The following SLC48A1 variants were observed in gnomAD, a reference collection of about 807,000 sequenced individuals.
SLC48A1 encodes the protein heme transporter HRG1.
In SLC48A1, 6 loss-of-function variants were observed where a neutral mutation model predicts 14.8. The observed-to-expected ratio is 0.41, with a 90% CI of 0.22 to 0.80. The LOEUF (loss-of-function observed/expected upper bound fraction) is 0.80. Ranked by LOEUF, SLC48A1 falls within the 30% of genes least tolerant of loss-of-function variation. SLC48A1 has a pLI of 0.34. For synonymous variants in SLC48A1, 89 were observed against 90.0 expected (o/e 0.99, Z 0.06); for missense variants, 165 against 204.8 (o/e 0.81, Z 1.19).
In SLC48A1 at chr12:47,765,076, CAAAAAAAAAAAAAAAAAAAAAAAA is replaced by C. The variant is rs750174911; in HGVS notation, c.-187+4691_-187+4714del. ...TGGGCAACAGAGTGAGACTCTGTCT[CAAAAAAAAAAAAAAAAAAAAAAAA>C]AAAAAAAAAAAAAAATTAGGGGAGG... On this transcript the variant is annotated intron_variant, in intron 2 of 4. Transcript: ENST00000547002. 2.6e-3 allele frequency among the ~76,000 whole-genome samples: 98 copies of C among 38,190 alleles called. 1 individual carries two copies. The highest frequency in any genetic ancestry group is 0.01 in the African/African-American group (72 of 7,070). The allele number at this position is 38,190 out of a possible 152,430, so 25.1% of individuals were successfully genotyped here. A position where few individuals can be genotyped will look rare whatever the true frequency, so the allele number is the denominator to read the frequency against.
In SLC48A1 at chr12:47,760,118, C is replaced by G. The variant is rs975474551; in HGVS notation, c.-372-98C>G. ...ATGTATACATGTATAAAAAATGTTTCCCAGAAGCTTACTAAAATGCAGGCT... is the reference window on the plus strand; with the variant it reads ...ATGTATACATGTATAAAAAATGTTTGCCAGAAGCTTACTAAAATGCAGGCT... On this transcript the variant is annotated intron_variant, in intron 1 of 4. Coordinates refer to the SLC48A1 transcript ENST00000547002. The G allele has an allele frequency of 2.5e-5, 19 of 750,228 alleles. No individual in the cohort carries two copies. The African/African-American group carries it at 3.4e-4, about 14-fold the overall frequency. 46.5% of individuals were successfully genotyped at this position (750,228 alleles called of 1,614,324 possible). A position where few individuals can be genotyped will look rare whatever the true frequency, so the allele number is the denominator to read the frequency against.
At chr12:47,761,175 C>T (rs12825831) in intron 2 of SLC48A1, among the ~76,000 whole-genome samples, 19,608 of 141,122 alleles carry the variant, frequency 0.14, 1,410 homozygotes, top group Middle Eastern at 0.17. Flanking sequence ...CCAGCCTGGG[C>T]GACAGAGCGA....
At chr12:47,758,820 C>T (rs925132555) in intron 1 of SLC48A1, 45 of 1,230,902 alleles carry the variant, frequency 3.7e-5, no homozygotes, top group Non-Finnish European at 4.5e-5. Context: ...AGCCCCGAGC[C>T]TGCGCCTTCG....
chr12:47,775,816 C>T (rs985772348), intron 1 of SLC48A1, among the ~76,000 whole-genome samples: 8 of 152,252 alleles, frequency 5.3e-5, no homozygotes, highest in Non-Finnish European at 8.8e-5. Context: ...TGGGGATACC[C>T]TCTCCCATCC....
At position 47,777,298 on chromosome 12, in the gene SLC48A1, C is replaced by T. The variant is rs903173639; in HGVS notation, c.137-1730C>T. ...CTGATCTCAGTAGGAGGGGGACCCA[C>T]ATTCCAGGCCCCCACCCCCTGAGGA... On this transcript the variant is annotated intron_variant, in intron 1 of 2. Coordinates refer to ENST00000442218, the MANE Select transcript of SLC48A1 (RefSeq NM_017842.3). This position sits in a 1 kb window ranked among gnomAD's most constrained non-coding sequence, Gnocchi z 4.5. Among the ~76,000 whole-genome samples, 3 of 152,194 alleles carry T rather than the reference C, an allele frequency of 2.0e-5. No individual in the cohort carries two copies. Among genetic ancestry groups the T allele is most frequent in the Admixed American group, 6.5e-5 (1 of 15,286 alleles).
At chr12:47,760,738 G>A (rs996971621) in intron 2 of SLC48A1, among the ~76,000 whole-genome samples, 4 of 152,132 alleles carry the variant, frequency 2.6e-5, no homozygotes, top group African/African-American at 9.7e-5. Context: ...TGAGGCTCAG[G>A]GATATTAAGG....
chr12:47,762,127 C>T (rs938351725), intron 2 of SLC48A1, among the ~76,000 whole-genome samples: 1 of 152,162 alleles, frequency 6.6e-6, no homozygotes, highest in Non-Finnish European at 1.5e-5. Context: ...ACACTCTACT[C>T]GGACAATGAG....
At chr12:47,774,701 A>G (rs1432511978) in intron 1 of SLC48A1, among the ~76,000 whole-genome samples, 1 of 152,010 alleles carries the variant, frequency 6.6e-6, no homozygotes, top group Non-Finnish European at 1.5e-5. Context: ...CACCCTACAC[A>G]ATGCCAACAA....
At chr12:47,770,812 G>A (rs978538864), upstream of SLC48A1, 3 of 456,518 alleles carry the variant, frequency 6.6e-6, no homozygotes, top group African/African-American at 2.0e-5. Flanking sequence ...CTCCAAACCC[G>A]CTACTCTACC....
intron 1 of SLC48A1, among the ~76,000 whole-genome samples, chr12:47,773,842 G>T (rs989808881): frequency 6.6e-6 from 1 of 152,104 alleles, no homozygotes; most frequent in Non-Finnish European, 1.5e-5. Context: ...ACACACACAC[G>T]GTTGTTCTGA....
rs1195557381 is a variant in SLC48A1 at position 47,758,909 on chromosome 12, C to T, written c.-373+249C>T. 14 of 1,082,098 alleles carry T rather than the reference C, an allele frequency of 1.3e-5. No homozygotes were observed. The East Asian group carries it at 8.3e-4, about 64-fold the overall frequency. The allele number at this position is 1,082,098 out of a possible 1,614,324, so 67.0% of individuals were successfully genotyped here. A position where few individuals can be genotyped will look rare whatever the true frequency, so the allele number is the denominator to read the frequency against. On this transcript the variant is annotated intron_variant, in intron 1 of 4. Transcript: ENST00000547002. ...ACCGGTCCGGGCGGGAGCTGTCACA[C>T]CCCCTGCGCTGCCCGCCCCCTTCCC...
At position 47,780,777 on chromosome 12, in the gene SLC48A1, G is replaced by C. The variant is rs1175849356; in HGVS notation, c.*496G>C. 2.3e-6 allele frequency: 1 copy of C among 443,158 alleles called. No individual in the cohort carries two copies. The highest frequency in any genetic ancestry group is 2.5e-5 in the Admixed American group (1 of 40,394). The allele number at this position is 443,158 out of a possible 1,614,324, so 27.5% of individuals were successfully genotyped here. A position where few individuals can be genotyped will look rare whatever the true frequency, so the allele number is the denominator to read the frequency against. On this transcript the variant is annotated 3_prime_UTR_variant, in exon 3 of 3. Coordinates refer to ENST00000442218, the MANE Select transcript of SLC48A1 (RefSeq NM_017842.3). Reference sequence around the variant, plus strand: ...AGACAGGGTTTTGCCATGTTGGCCAGGCTGGTCTCGAACTCCTGATCTCAG... The same window carrying C: ...AGACAGGGTTTTGCCATGTTGGCCACGCTGGTCTCGAACTCCTGATCTCAG...
upstream of SLC48A1, among the ~76,000 whole-genome samples, chr12:47,771,281 C>T (rs1022881822): frequency 2.6e-5 from 4 of 152,096 alleles, no homozygotes; most frequent in African/African-American, 9.7e-5. Context: ...TTATTCTTAC[C>T]TTCATTCACT....
intron 1 of SLC48A1, among the ~76,000 whole-genome samples, chr12:47,776,321 C>T (rs772956376): frequency 1.3e-5 from 2 of 152,238 alleles, no homozygotes; most frequent in African/African-American, 4.8e-5. Context: ...GATGGAGCAA[C>T]GGTGTGGTCT....
At chr12:47,764,231 A>G (rs1942460118) in intron 2 of SLC48A1, among the ~76,000 whole-genome samples, 1 of 152,040 alleles carries the variant, frequency 6.6e-6, no homozygotes, top group South Asian at 2.1e-4. Flanking sequence ...GTGTTCTGCA[A>G]TGGCTGCCCC....
Position 47,777,371 on chromosome 12 carries a change from A to G in SLC48A1, c.137-1657A>G, listed in dbSNP as rs2136868015. ...AAGCTGGGAGAGTGTTCAGGGGGTC[A>G]AACGGTGGCAGGGGCTGAGGGAAGC... On this transcript the variant is annotated intron_variant, in intron 1 of 2. Transcript: ENST00000442218. This position sits in a 1 kb window ranked among gnomAD's most constrained non-coding sequence, Gnocchi z 4.5. Among the ~76,000 whole-genome samples the G allele has an allele frequency of 6.6e-6, 1 of 152,302 alleles. No homozygotes were observed. The highest frequency in any genetic ancestry group is 1.9e-4 in the East Asian group (1 of 5,180).
At chr12:47,760,580 T>G (rs1942347347) in intron 2 of SLC48A1, among the ~76,000 whole-genome samples, 1 of 150,578 alleles carries the variant, frequency 6.6e-6, no homozygotes, top group African/African-American at 2.4e-5. Flanking sequence ...TGCTGGGGAG[T>G]GAGGCAGGAC....
intron 2 of SLC48A1, among the ~76,000 whole-genome samples, chr12:47,760,895 A>C (rs1196191304): frequency 6.6e-6 from 1 of 152,132 alleles, no homozygotes; most frequent in Non-Finnish European, 1.5e-5. Flanking sequence ...AGGAGAGTCT[A>C]CTCAAAAAAG....
Position 47,779,095 on chromosome 12 carries a change from C to T in SLC48A1, c.204C>T (p.Leu68=). The T allele has an allele frequency of 6.4e-7, 1 of 1,551,836 alleles. No individual in the cohort carries two copies. The highest frequency in any genetic ancestry group is 8.7e-7 in the Non-Finnish European group (1 of 1,147,016). Residue 68 remains leucine, a synonymous_variant, in exon 2 of 3, where the codon CTC becomes CTT. Coordinates refer to ENST00000442218, the MANE Select transcript of SLC48A1 (RefSeq NM_017842.3). The part of the protein sequence containing the change: ...MYMQDYWRTW[L]KGLRGFFFVG... ...TGCAAGATTATTGGAGGACCTGGCT[C>T]AAGGGGCTGCGCGGCTTCTTCTTCG...
Sources: gnomAD v4.1 joint callset for allele counts (sites outside exome capture counted in the v4.1 genomes callset) on GRCh38, gnomAD v4.1.1 for gene constraint, Gnocchi (gnomAD v3.1) non-coding constraint, MANE v1.5 for transcripts, NCBI Gene and HGNC (gene_info 2026-07-23, HGNC 2026-07-21) for gene names.